Variants in TRIM67 observed in about 807,000 individuals in gnomAD.
The protein encoded by TRIM67 is tripartite motif-containing protein 67.
Under a neutral mutation model 71.0 loss-of-function variants are expected in TRIM67, and 39 were observed. The ratio of observed to expected loss-of-function variants is 0.55; its 90% CI spans 0.43 to 0.72. The LOEUF (loss-of-function observed/expected upper bound fraction) is 0.72. Among genes scored for constraint, TRIM67 ranks in the 30% least tolerant of loss-of-function variants. TRIM67 has a pLI of 0.00. For missense variants in TRIM67, 973 were observed against 1,079.2 expected (o/e 0.90, Z 1.38); for synonymous variants, 481 against 473.9 (o/e 1.01, Z -0.19).
Position 231,218,067 on chromosome 1 carries a change from CCTTCAATGTTCTGA to C in TRIM67, c.*2634_*2647del. 1.8e-6 allele frequency: 2 copies of C among 1,130,960 alleles called. No homozygotes were observed. Among genetic ancestry groups the C allele is most frequent in the Non-Finnish European group, 2.2e-6 (2 of 907,904 alleles). The allele number at this position is 1,130,960 out of a possible 1,614,324, so 70.1% of individuals were successfully genotyped here. On this transcript the variant is annotated 3_prime_UTR_variant, in exon 10 of 10. Transcript: ENST00000366653. ...CCTCTCCTGTCTTCAGCACAAAACA[CCTTCAATGTTCTGA>C]CTTCAAAGAGAACGACAGGTCCGTG...
Position 231,217,589 on chromosome 1 carries a change from G to GAA in TRIM67, c.*2157_*2158dup, listed in dbSNP as rs11443571. The GAA allele has an allele frequency of 1.2e-4, 125 of 1,026,188 alleles. No homozygotes were observed. In the African/African-American group the frequency reaches 1.3e-3, roughly 11 times the overall value. 63.6% of individuals were successfully genotyped at this position (1,026,188 alleles called of 1,614,324 possible). A position where few individuals can be genotyped will look rare whatever the true frequency, so the allele number is the denominator to read the frequency against. On this transcript the variant is annotated 3_prime_UTR_variant, in exon 10 of 10. Transcript: ENST00000366653. ...TTTGGGAAGTGTCTAGCTCTCTTCT[G>GAA]AAAAAAAAACAGGCCTACACCCTGC...
At chr1:231,206,965 A>G (rs1683720151) in intron 7 of TRIM67, among the ~76,000 whole-genome samples, 175 bp downstream of exon 7, 1 of 152,158 alleles carries the variant, frequency 6.6e-6, no homozygotes, top group Admixed American at 6.5e-5. Flanking sequence ...CCCAAAGGAC[A>G]AAGATTGACT....
rs1558292693 is a variant in TRIM67, at chr1:231,176,912, A to AAAAAAAAAAAAAAAAAAAC, written c.1044+12910_1044+12911insAAAAAAACAAAAAAAAAAA. Among the ~76,000 whole-genome samples, 7 of 150,046 alleles carry AAAAAAAAAAAAAAAAAAAC rather than the reference A, an allele frequency of 4.7e-5. 1 individual carries two copies. The highest frequency in any genetic ancestry group is 1.8e-4 in the African/African-American group (7 of 39,824). On this transcript the variant is annotated intron_variant, in intron 1 of 9. Coordinates refer to ENST00000366653, the MANE Select transcript of TRIM67 (RefSeq NM_001004342.5). ...GTTTGCCAATACAATCTGGCAAAAAAAAAAAAAAAAACACCTTTCAAACAT... is the reference window on the plus strand; with the variant it reads ...GTTTGCCAATACAATCTGGCAAAAAAAAAAAAAAAAAAAAAAAACAAAAAAAAAAACACCTTTCAAACAT...
intron 1 of TRIM67, among the ~76,000 whole-genome samples, chr1:231,191,896 A>G (rs564431117): frequency 3.3e-5 from 5 of 152,246 alleles, no homozygotes; most frequent in Admixed American, 3.3e-4. Flanking sequence ...CACATTCTAC[A>G]TGTCAGGTAC....
At chr1:231,196,108 G>A (rs1225087291) in intron 1 of TRIM67, among the ~76,000 whole-genome samples, 2 of 152,126 alleles carry the variant, frequency 1.3e-5, no homozygotes, top group Non-Finnish European at 2.9e-5. Context: ...AGGTTGGGTG[G>A]TGACGACTGT....
In TRIM67 at chr1:231,186,122, C is replaced by T. The variant is rs1020127684; in HGVS notation, c.1045-11249C>T. On this transcript the variant is annotated intron_variant, in intron 1 of 9. Coordinates refer to ENST00000366653, the MANE Select transcript of TRIM67 (RefSeq NM_001004342.5). ...GCAGTCGCTTGCTGAATGAATACAT[C>T]GGTGAATGGATGAAGGGCTTGACAG... 8 of 1,533,162 alleles carry T rather than the reference C, an allele frequency of 5.2e-6. No individual in the cohort carries two copies. In the Admixed American group the frequency reaches 7.8e-5, roughly 15 times the overall value. 95.0% of individuals were successfully genotyped at this position (1,533,162 alleles called of 1,614,324 possible).
chr1:231,202,041 G>C (rs933729594), intron 5 of TRIM67, among the ~76,000 whole-genome samples: 1 of 152,218 alleles, frequency 6.6e-6, no homozygotes, highest in African/African-American at 2.4e-5. Context: ...GGAGGAGGTG[G>C]AGGAGGTAGT....
chr1:231,199,017 T>C, intron 2 of TRIM67, 30 bp from the exon 3 acceptor site: 1 of 1,613,698 alleles, frequency 6.2e-7, no homozygotes, highest in Non-Finnish European at 8.5e-7. Context: ...ACTCTTTGCT[T>C]CTTCCCAACC....
chr1:231,169,280 C>G (rs1467122984), intron 1 of TRIM67, among the ~76,000 whole-genome samples: 1 of 151,768 alleles, frequency 6.6e-6, no homozygotes, highest in Non-Finnish European at 1.5e-5. Flanking sequence ...GTCTTGAACC[C>G]CAGACCTCAA....
chr1:231,198,960 T>C (rs773601384), intron 2 of TRIM67, 87 bp from the exon 3 acceptor site: 85 of 1,583,020 alleles, frequency 5.4e-5, no homozygotes, highest in Middle Eastern at 5.1e-4. Flanking sequence ...CTCTGAAATA[T>C]ATCTTTGTCT....
chr1:231,183,980 C>A (rs565253581), intron 1 of TRIM67: 1 of 152,304 alleles, frequency 6.6e-6, no homozygotes, highest in South Asian at 2.1e-4. Flanking sequence ...GCTCAAGGAA[C>A]TATGGAACAA....
chr1:231,211,319 A>C (rs758841460), intron 8 of TRIM67, among the ~76,000 whole-genome samples: 1 of 152,036 alleles, frequency 6.6e-6, no homozygotes, highest in Admixed American at 6.5e-5. Context: ...GGCCATGAGA[A>C]GGTAGAGAGA....
chr1:231,182,617 G>A (rs956986115), intron 1 of TRIM67, among the ~76,000 whole-genome samples: 1 of 152,148 alleles, frequency 6.6e-6, no homozygotes, highest in South Asian at 2.1e-4. Flanking sequence ...CAGATGAATG[G>A]CAAGGGCACA....
chr1:231,189,137 G>C (rs746232347), intron 1 of TRIM67, among the ~76,000 whole-genome samples: 3 of 152,152 alleles, frequency 2.0e-5, no homozygotes, highest in Non-Finnish European at 2.9e-5. Context: ...CTGGGGATGC[G>C]ACACTGGATA....
chr1:231,188,657 TG>T (rs2102736728), intron 1 of TRIM67, among the ~76,000 whole-genome samples: 1 of 152,344 alleles, frequency 6.6e-6, no homozygotes, highest in African/African-American at 2.4e-5. Flanking sequence ...ACTAGCTGTG[TG>T]ACTTTGAGCA....
Position 231,217,680 on chromosome 1 carries a change from G to A in TRIM67, c.*2240G>A, listed in dbSNP as rs1315727275. 3.4e-6 allele frequency: 4 copies of A among 1,181,138 alleles called. No individual in the cohort carries two copies. Among genetic ancestry groups the A allele is most frequent in the Non-Finnish European group, 4.3e-6 (4 of 935,172 alleles). The allele number at this position is 1,181,138 out of a possible 1,614,324, so 73.2% of individuals were successfully genotyped here. ...AGCAGCTTCTCACAGGGGAGCCCTGGGGAAGGCTGTGGAGCCTCCACCATC... is the reference window on the plus strand; with the variant it reads ...AGCAGCTTCTCACAGGGGAGCCCTGAGGAAGGCTGTGGAGCCTCCACCATC... On this transcript the variant is annotated 3_prime_UTR_variant, in exon 10 of 10. Coordinates refer to ENST00000366653, the MANE Select transcript of TRIM67 (RefSeq NM_001004342.5).
At chr1:231,187,229 G>T (rs1386569453) in intron 1 of TRIM67, among the ~76,000 whole-genome samples, 1 of 152,112 alleles carries the variant, frequency 6.6e-6, no homozygotes, top group East Asian at 1.9e-4. Context: ...GAAAAGACCT[G>T]CCTCTGTTGG....
In TRIM67 at chr1:231,217,453, T is replaced by G. The variant is rs1017629158; in HGVS notation, c.*2013T>G. 2.0e-6 allele frequency: 2 copies of G among 993,390 alleles called. No homozygotes were observed. The highest frequency in any genetic ancestry group is 3.5e-5 in the African/African-American group (2 of 57,618). 61.5% of individuals were successfully genotyped at this position (993,390 alleles called of 1,614,324 possible). ...CTCTGTCTCCCATATCCCTGCAGCT[T>G]CATCCTTAGCCATAGCTCTGGGTGG... On this transcript the variant is annotated 3_prime_UTR_variant, in exon 10 of 10. Coordinates refer to ENST00000366653, the MANE Select transcript of TRIM67 (RefSeq NM_001004342.5).
rs746309013 is a variant in TRIM67 at position 231,219,875 on chromosome 1, A to G, written c.*4435A>G. ...AGCTTTAACCTAATATCTAGGCTGT[A>G]AAAATATGAGGGCAGGTTTCGGGCA... On this transcript the variant is annotated 3_prime_UTR_variant, in exon 10 of 10. Coordinates refer to ENST00000366653, the MANE Select transcript of TRIM67 (RefSeq NM_001004342.5). The G allele has an allele frequency of 7.8e-6, 10 of 1,289,724 alleles. No individual in the cohort carries two copies. The African/African-American group carries it at 1.5e-4, about 20-fold the overall frequency. 79.9% of individuals were successfully genotyped at this position (1,289,724 alleles called of 1,614,324 possible).
Sources: allele counts gnomAD v4.1 joint callset (sites outside exome capture counted in the v4.1 genomes callset), GRCh38; gene constraint gnomAD v4.1.1; transcripts MANE v1.5; gene names NCBI Gene and HGNC (gene_info 2026-07-23, HGNC 2026-07-21).